ARMC10: variants seen among roughly 807,000 people sequenced by gnomAD.
ARMC10 encodes the protein armadillo repeat-containing protein 10.
ARMC10 carries 23 observed loss-of-function variants against 30.2 expected under a neutral mutation model. The observed-to-expected ratio is 0.76, with a 90% CI of 0.55 to 1.08. ARMC10 has a LOEUF of 1.08. Ranked by LOEUF, ARMC10 falls within the 50% of genes least tolerant of loss-of-function variation. The pLI, the probability that ARMC10 is intolerant of heterozygous loss-of-function variation, is 0.00. For synonymous variants in ARMC10, 111 were observed against 164.4 expected, an observed-to-expected ratio of 0.68 and a Z score of 2.48; for missense variants, 303 against 413.7, an observed-to-expected ratio of 0.73 and a Z score of 2.32.
Position 103,075,310 on chromosome 7 carries a change from G to T in ARMC10, c.38G>T (p.Gly13Val). The T allele has an allele frequency of 1.6e-6, 2 of 1,233,924 alleles. No individual in the cohort carries two copies. Among genetic ancestry groups the T allele is most frequent in the Non-Finnish European group, 2.0e-6 (2 of 988,332 alleles). The allele number at this position is 1,233,924 out of a possible 1,614,324, so 76.4% of individuals were successfully genotyped here. Reference protein sequence around the residue: ...GPRGAGWVAAGLLLGAGACYC... With the variant: ...GPRGAGWVAAVLLLGAGACYC... ...CGGGGCGCGGGCTGGGTGGCGGCGG[G>T]CCTGCTGCTCGGCGCGGGCGCCTGC... Residue 13 changes from glycine to valine, a missense_variant, in exon 1 of 7, where the codon GGC becomes GTC. Gly to Val is a moderately radical substitution (Grantham distance 109). This residue lies in a region of ARMC10 where 11 missense variants were observed against 27.6 expected (regional missense o/e 0.40). Coordinates refer to ENST00000323716, the MANE Select transcript of ARMC10 (RefSeq NM_031905.5).
intron 4 of ARMC10, chr7:103,087,659 T>C (rs1313238058): frequency 2.3e-6 from 1 of 433,534 alleles, no homozygotes; most frequent in East Asian, 1.6e-4. Context: ...GATGTGCTCC[T>C]ATGAAGAAAA....
At chr7:103,083,959 TTAAAACA>T in intron 3 of ARMC10, 129 bp downstream of exon 3, 1 of 1,474,198 alleles carries the variant, frequency 6.8e-7, no homozygotes, top group Non-Finnish European at 9.2e-7. Context: ...CTACTTATAC[TTAAAACA>T]TAATGTTTGT....
intron 3 of ARMC10, 121 bp downstream of exon 3, chr7:103,083,951 A>C: frequency 6.8e-7 from 1 of 1,468,280 alleles, no homozygotes; most frequent in Non-Finnish European, 9.2e-7. Flanking sequence ...CAATGTGGCT[A>C]CTTATACTTA....
rs372980395 is a variant in ARMC10 at position 103,097,182 on chromosome 7, G to C, written c.706-95G>C. On this transcript the variant is annotated intron_variant, in intron 5 of 6. Transcript: ENST00000323716. ...GAGCCAGGCCTGGAAGCTTAGGCAG[G>C]ACTTTAACAGGAAGACATGGTGAGA... is the stretch of plus-strand genomic sequence containing the variant. 3.4e-4 allele frequency: 347 copies of C among 1,030,110 alleles called. 1 individual carries two copies. The highest frequency in any genetic ancestry group is 4.8e-4 in the Non-Finnish European group (313 of 653,318). The allele number at this position is 1,030,110 out of a possible 1,614,324, so 63.8% of individuals were successfully genotyped here. A position where few individuals can be genotyped will look rare whatever the true frequency, so the allele number is the denominator to read the frequency against.
At chr7:103,097,436 T>C in intron 6 of ARMC10, 88 bp downstream of exon 6, 1 of 967,746 alleles carries the variant, frequency 1.0e-6, no homozygotes, top group Admixed American at 1.9e-5. Flanking sequence ...GCCTAAAATG[T>C]TAACAGGGAT....
At chr7:103,093,506 A>G (rs1395481602) in intron 5 of ARMC10, among the ~76,000 whole-genome samples, 2 of 152,208 alleles carry the variant, frequency 1.3e-5, no homozygotes, top group Non-Finnish European at 2.9e-5. Context: ...CCAATAGCCA[A>G]ACTTGTTTGG....
intron 5 of ARMC10, among the ~76,000 whole-genome samples, chr7:103,094,873 G>A (rs1318993804): frequency 6.6e-6 from 1 of 152,158 alleles, no homozygotes; most frequent in Admixed American, 6.5e-5. Context: ...ATTGGAAGGG[G>A]CCAAAAGCAT....
chr7:103,078,723 G>T (rs1388058676), intron 2 of ARMC10, among the ~76,000 whole-genome samples: 2 of 152,064 alleles, frequency 1.3e-5, no homozygotes, highest in Admixed American at 1.3e-4. Context: ...CTGGAGTGCA[G>T]TGGCGATCTT....
At position 103,075,373 on chromosome 7, in the gene ARMC10, G is replaced by A; in HGVS notation, c.101G>A (p.Gly34Asp). The A allele has an allele frequency of 7.8e-7, 1 of 1,282,690 alleles. No individual in the cohort carries two copies. Among genetic ancestry groups the A allele is most frequent in the Non-Finnish European group, 9.9e-7 (1 of 1,013,134 alleles). 79.5% of individuals were successfully genotyped at this position (1,282,690 alleles called of 1,614,324 possible). ...IYRLTRGRRR[G>D]DRELGIRSSK... The stretch of plus-strand genomic sequence containing the variant: ...AGGCTGACCCGGGGTCGGCGGCGGG[G>A]CGACCGCGAGCTCGGGATACGCTCT... The change falls in exon 1 of 7, where the codon GGC (glycine) becomes GAC (aspartate). Residue 34 changes from glycine to aspartate, a missense_variant. Gly to Asp is a moderately conservative substitution (Grantham distance 94). Around this residue, in one of 4 missense-constraint regions of ARMC10, gnomAD observed 96 missense variants for 84.2 expected, o/e 1.14. Coordinates refer to ENST00000323716, the MANE Select transcript of ARMC10 (RefSeq NM_031905.5).
intron 4 of ARMC10, chr7:103,087,838 T>C (rs1800991379): frequency 3.2e-6 from 3 of 946,218 alleles, no homozygotes; most frequent in Middle Eastern, 5.4e-4. Flanking sequence ...CTATATAGAC[T>C]AGAAAATTTA....
intron 2 of ARMC10, among the ~76,000 whole-genome samples, chr7:103,082,197 A>G (rs1800441826): frequency 1.3e-5 from 2 of 152,210 alleles, no homozygotes; most frequent in East Asian, 3.8e-4. Flanking sequence ...TGGTAGTGAG[A>G]ATATTCTAGC....
chr7:103,092,138 G>A (rs1038905997), intron 4 of ARMC10, among the ~76,000 whole-genome samples: 2 of 151,920 alleles, frequency 1.3e-5, no homozygotes, highest in Non-Finnish European at 2.9e-5. Flanking sequence ...CGAGACCATC[G>A]TGGCTAACAT....
At chr7:103,091,397 T>G (rs1160665399) in intron 4 of ARMC10, among the ~76,000 whole-genome samples, 1 of 152,178 alleles carries the variant, frequency 6.6e-6, no homozygotes, top group Non-Finnish European at 1.5e-5. Flanking sequence ...TCCATCACAC[T>G]GAGTTTAGTT....
chr7:103,075,711 G>C, intron 1 of ARMC10, 66 bp from the exon 2 acceptor site: 1 of 1,241,834 alleles, frequency 8.1e-7, no homozygotes, highest in Non-Finnish European at 1.1e-6. Context: ...TGTAACTAAA[G>C]GGATTCTCCC....
intron 5 of ARMC10, among the ~76,000 whole-genome samples, chr7:103,094,604 C>T (rs11981209): frequency 0.017 from 2,584 of 152,264 alleles, 37 homozygotes; most frequent in Non-Finnish European, 0.022. Flanking sequence ...CTATTTCATA[C>T]CTCCTGTTCC....
chr7:103,088,763 G>T, intron 4 of ARMC10: 1 of 186,152 alleles, frequency 5.4e-6, no homozygotes, highest in South Asian at 1.3e-4. Flanking sequence ...ACTTATTACA[G>T]GTTTCAGCCA....
intron 2 of ARMC10, among the ~76,000 whole-genome samples, chr7:103,077,962 A>G (rs1044262814): frequency 1.3e-5 from 2 of 152,038 alleles, no homozygotes; most frequent in African/African-American, 4.8e-5. Context: ...TTCATCATCA[A>G]TATGGTTTGG....
chr7:103,086,684 T>A lies in ARMC10; in HGVS notation c.448T>A (p.Ser150Thr), dbSNP rs753602156. 1.3e-5 allele frequency: 21 copies of A among 1,596,362 alleles called. No individual in the cohort carries two copies. The highest frequency in any genetic ancestry group is 2.0e-4 in the Middle Eastern group (1 of 5,050). ...AATTGTTGCAAACAAAATCAACCAT[T>A]CCAACCAGAGTATTAAAGAGAAAGC... ...IPIVANKINH[S>T]NQSIKEKALN... Residue 150 changes from serine to threonine, a missense_variant, in exon 4 of 7, where the codon TCC (serine) becomes ACC (threonine). Ser to Thr is a moderately conservative substitution (Grantham distance 58). Coordinates refer to ENST00000323716, the MANE Select transcript of ARMC10 (RefSeq NM_031905.5).
At chr7:103,086,059 C>T (rs1338281363) in intron 3 of ARMC10, among the ~76,000 whole-genome samples, 1 of 152,114 alleles carries the variant, frequency 6.6e-6, no homozygotes, top group Non-Finnish European at 1.5e-5. Context: ...TTCAAGATTC[C>T]CAATGCACAT....
Sources: allele counts gnomAD v4.1 joint callset (sites outside exome capture counted in the v4.1 genomes callset), GRCh38; gene constraint gnomAD v4.1.1; regional missense constraint gnomAD v4.1.1; transcripts MANE v1.5; gene names NCBI Gene and HGNC (gene_info 2026-07-23, HGNC 2026-07-21).